Variants in KATNAL2 observed in about 807,000 individuals in gnomAD.
The protein encoded by KATNAL2 is katanin catalytic subunit A1 like 2.
In KATNAL2, 52 loss-of-function variants were observed where a neutral mutation model predicts 76.3. The observed-to-expected ratio is 0.68, with a 90% CI of 0.55 to 0.86. The LOEUF (loss-of-function observed/expected upper bound fraction) is 0.86, where lower values mean the gene tolerates loss of function less well. KATNAL2 is among the 40% of genes least tolerant of loss of function. KATNAL2 has a pLI of 0.00. For synonymous variants in KATNAL2, 243 were observed against 244.2 expected, an observed-to-expected ratio of 1.00 and a Z score of 0.05; for missense variants, 660 against 668.9, an observed-to-expected ratio of 0.99 and a Z score of 0.15.
At chr18:46,933,804 A>C in intron 1 of KATNAL2, among the ~76,000 whole-genome samples, 2 of 104,966 alleles carry the variant, frequency 1.9e-5, no homozygotes, top group Non-Finnish European at 3.8e-5. Flanking sequence ...CCCCCACCCC[A>C]TAACAGTCCC....
chr18:46,931,629 G>T (rs1420660976), intron 1 of KATNAL2, among the ~76,000 whole-genome samples: 1 of 151,190 alleles, frequency 6.6e-6, no homozygotes, highest in Non-Finnish European at 1.5e-5. Context: ...CTCCGGCCTG[G>T]ACAACAGAGC....
At chr18:46,918,271 C>T (rs1265006980) in intron 1 of KATNAL2, among the ~76,000 whole-genome samples, 2 of 152,158 alleles carry the variant, frequency 1.3e-5, no homozygotes, top group African/African-American at 4.8e-5. Context: ...AATCGCTGGA[C>T]GGTGTCCAGG....
chr18:47,056,007 T>C (rs1007646790), intron 6 of KATNAL2, among the ~76,000 whole-genome samples: 1 of 152,222 alleles, frequency 6.6e-6, no homozygotes, highest in African/African-American at 2.4e-5. Context: ...GTTACTAAAA[T>C]GAGACATGTC....
At chr18:47,070,668 TC>T (rs1441881008) in intron 13 of KATNAL2, among the ~76,000 whole-genome samples, 1 of 152,164 alleles carries the variant, frequency 6.6e-6, no homozygotes, top group African/African-American at 2.4e-5. Flanking sequence ...TAAATTACAT[TC>T]CCTTAGATGA....
In KATNAL2 at chr18:47,075,296, G is replaced by C. The variant is rs144598726; in HGVS notation, c.1028G>C (p.Arg343Pro). ...ACCCAGGTGTTATTTGAGCTTGCCC[G>C]CTACCACGCCCCATCCACGATCTTC... The part of the protein sequence containing the change: ...KLVRVLFELA[R>P]YHAPSTIFLD... The change falls in exon 14 of 18, where the codon CGC becomes CCC. Residue 343 changes from arginine (R) to proline (P), a missense_variant. Transcript: ENST00000683218. 4 of 1,555,822 alleles carry C rather than the reference G, an allele frequency of 2.6e-6. No individual in the cohort carries two copies. Among genetic ancestry groups the C allele is most frequent in the Non-Finnish European group, 3.5e-6 (4 of 1,156,876 alleles).
chr18:47,036,430 C>G (rs2060776632), intron 3 of KATNAL2, among the ~76,000 whole-genome samples: 1 of 152,216 alleles, frequency 6.6e-6, no homozygotes, highest in Non-Finnish European at 1.5e-5. Context: ...AAACTGTTGC[C>G]ATGACCTCTT....
chr18:46,954,649 T>C (rs1213291205), intron 3 of KATNAL2, among the ~76,000 whole-genome samples: 2 of 151,644 alleles, frequency 1.3e-5, no homozygotes, highest in Non-Finnish European at 2.9e-5. Context: ...TTTTTTGGGT[T>C]TTTTTGAGAC....
rs202080899 is a variant in KATNAL2 at position 47,067,127 on chromosome 18, C to A, written c.825+8C>A. ...GTTGTGTATCCTATAAGGGTAAGGA[C>A]GGGAAGCCTCTTGGGGGTTATTTCT... On this transcript the variant is annotated splice_region_variant and intron_variant, in intron 11 of 17. Coordinates refer to ENST00000683218, the MANE Select transcript of KATNAL2 (RefSeq NM_001387690.1). 2.7e-6 allele frequency: 4 copies of A among 1,460,542 alleles called. No homozygotes were observed. In the African/African-American group the frequency reaches 5.5e-5, roughly 20 times the overall value. 90.5% of individuals were successfully genotyped at this position (1,460,542 alleles called of 1,614,324 possible).
intron 3 of KATNAL2, chr18:47,033,129 G>C (rs772133961): frequency 1.2e-6 from 2 of 1,614,130 alleles, no homozygotes; most frequent in Non-Finnish European, 1.7e-6. Context: ...TGCTCAGGCA[G>C]GGGTTGGCCC....
In KATNAL2 at chr18:47,079,463, C is replaced by T. The variant is rs191526178; in HGVS notation, c.1211+2002C>T. Among the ~76,000 whole-genome samples the T allele has an allele frequency of 7.4e-3, 1,124 of 151,562 alleles. 9 individuals carry two copies. Among genetic ancestry groups the T allele is most frequent in the African/African-American group, 0.025 (1,032 of 41,292 alleles). On this transcript the variant is annotated intron_variant, in intron 15 of 17. Transcript: ENST00000683218. ...AGGCTGGAGTGCAATGGCACGATCTCGGCTCACTGCAACCTCTGCCTCCCG... is the reference window on the plus strand; with the variant it reads ...AGGCTGGAGTGCAATGGCACGATCTTGGCTCACTGCAACCTCTGCCTCCCG...
chr18:47,085,413 A>T (rs2062726149), intron 15 of KATNAL2, among the ~76,000 whole-genome samples: 2 of 152,062 alleles, frequency 1.3e-5, no homozygotes, highest in Admixed American at 1.3e-4. Context: ...CCTTTTTGAA[A>T]ACTATGTGGC....
rs1398751025 is a variant in KATNAL2 at position 47,069,378 on chromosome 18, G to A, written c.889+95G>A. The A allele has an allele frequency of 1.0e-5, 14 of 1,352,620 alleles. No individual in the cohort carries two copies. In the Admixed American group the frequency reaches 2.6e-4, roughly 25 times the overall value. The allele number at this position is 1,352,620 out of a possible 1,614,324, so 83.8% of individuals were successfully genotyped here. On this transcript the variant is annotated intron_variant, in intron 12 of 17. Coordinates refer to ENST00000683218, the MANE Select transcript of KATNAL2 (RefSeq NM_001387690.1). Reference sequence around the variant, plus strand: ...CTCACTTCAGGACTGGGGCACACGAGAGCTGAGCAGTCACTTCCTTCCTTG... The same window carrying A: ...CTCACTTCAGGACTGGGGCACACGAAAGCTGAGCAGTCACTTCCTTCCTTG...
At chr18:47,041,759 G>A (rs560238068) in intron 3 of KATNAL2, among the ~76,000 whole-genome samples, 1 of 152,304 alleles carries the variant, frequency 6.6e-6, no homozygotes, top group South Asian at 2.1e-4. Flanking sequence ...CTGAGTAAGA[G>A]TATGGTTAGT....
At chr18:47,048,650 C>G (rs369605899) in intron 4 of KATNAL2, among the ~76,000 whole-genome samples, 1 of 152,056 alleles carries the variant, frequency 6.6e-6, no homozygotes, top group African/African-American at 2.4e-5. Flanking sequence ...AATTGACAAG[C>G]CAGACAGTCT....
chr18:47,034,522 A>C (rs1569054638), intron 3 of KATNAL2: 1 of 1,614,160 alleles, frequency 6.2e-7, no homozygotes, highest in East Asian at 2.2e-5. Context: ...CTCCCTGATC[A>C]AAGTAGGGGA....
At chr18:46,925,886 T>C (rs2058712688) in intron 1 of KATNAL2, among the ~76,000 whole-genome samples, 1 of 152,222 alleles carries the variant, frequency 6.6e-6, no homozygotes, top group Non-Finnish European at 1.5e-5. Flanking sequence ...GTGTTTATAG[T>C]ATTCTCTGAT....
intron 3 of KATNAL2, among the ~76,000 whole-genome samples, chr18:46,960,307 T>C (rs1354604513): frequency 6.6e-6 from 1 of 151,710 alleles, no homozygotes; most frequent in Non-Finnish European, 1.5e-5. Context: ...GGCATGGTGG[T>C]GGGCGCCTGT....
At chr18:47,048,359 G>T (rs2061229757) in intron 4 of KATNAL2, among the ~76,000 whole-genome samples, 1 of 152,176 alleles carries the variant, frequency 6.6e-6, no homozygotes, top group South Asian at 2.1e-4. Context: ...AAAAGGTGAG[G>T]AGGGCAGGAG....
intron 3 of KATNAL2, among the ~76,000 whole-genome samples, chr18:46,958,922 A>T (rs1399001440): frequency 6.6e-6 from 1 of 152,236 alleles, no homozygotes; most frequent in African/African-American, 2.4e-5. Flanking sequence ...CATTATACGT[A>T]CTTTTCAAAA....
Sources: gnomAD v4.1 joint callset for allele counts (sites outside exome capture counted in the v4.1 genomes callset) on GRCh38, gnomAD v4.1.1 for gene constraint, MANE v1.5 for transcripts, NCBI Gene and HGNC (gene_info 2026-07-23, HGNC 2026-07-21) for gene names.